ARNT2: variants seen among roughly 807,000 people sequenced by gnomAD.
The protein encoded by ARNT2 is ARNT protein 2.
In ARNT2, 36 loss-of-function variants were observed where a neutral mutation model predicts 91.7. The ratio of observed to expected loss-of-function variants is 0.39; its 90% CI spans 0.30 to 0.52. The LOEUF is 0.52. Ranked by LOEUF, ARNT2 falls within the 20% of genes least tolerant of loss-of-function variation. The probability of loss-of-function intolerance (pLI) is 0.72; values close to 1 mark genes in which losing one functional copy is unlikely to be tolerated. For synonymous variants in ARNT2, 365 were observed against 347.1 expected, an observed-to-expected ratio of 1.05 and a Z score of -0.57; for missense variants, 775 against 939.3, an observed-to-expected ratio of 0.83 and a Z score of 2.29.
intron 1 of ARNT2, among the ~76,000 whole-genome samples, chr15:80,441,762 G>A (rs548072394): frequency 8.5e-5 from 13 of 152,200 alleles, no homozygotes; most frequent in Admixed American, 1.3e-4. Context: ...TACACAGTAC[G>A]TCTGCATCTG....
At chr15:80,539,841 A>G (rs1435441818) in intron 8 of ARNT2, among the ~76,000 whole-genome samples, 1 of 151,506 alleles carries the variant, frequency 6.6e-6, no homozygotes. Context: ...GTATTATCTC[A>G]CCCCATCTAG....
At chr15:80,556,609 C>A (rs1898194677) in intron 11 of ARNT2, 1 of 152,480 alleles carries the variant, frequency 6.6e-6, no homozygotes, top group African/African-American at 2.4e-5. Context: ...AAGAGGGTGG[C>A]CACCTGAGTA....
chr15:80,513,935 C>G lies in ARNT2; in HGVS notation c.750C>G (p.His250Gln). 8.1e-6 allele frequency: 13 copies of G among 1,613,820 alleles called. No individual in the cohort carries two copies. Among genetic ancestry groups the G allele is most frequent in the Non-Finnish European group, 1.0e-5 (12 of 1,179,724 alleles). Residue 250 changes from histidine to glutamine, a missense_variant, in exon 7 of 19, where the codon CAC becomes CAG. By Grantham distance (24) the His-to-Gln change is conservative. Transcript: ENST00000303329. ...GGTGTGGAAATGCTCCTTTGGACCA[C>G]CTTCCTCTAAACAGAATAACCACCA... ...RMRCGNAPLD[H>Q]LPLNRITTMR...
intron 8 of ARNT2, among the ~76,000 whole-genome samples, chr15:80,538,450 A>G (rs547745113): frequency 1.8e-4 from 28 of 152,172 alleles, no homozygotes; most frequent in Non-Finnish European, 2.9e-4. Context: ...AAAAAGTTAC[A>G]TTTTTAAAAA....
intron 5 of ARNT2, among the ~76,000 whole-genome samples, chr15:80,483,093 A>G (rs1896913705): frequency 1.3e-5 from 2 of 152,184 alleles, no homozygotes; most frequent in Admixed American, 6.5e-5. Flanking sequence ...TGGAAGGTAA[A>G]CCCTGGTAAA....
chr15:80,512,537 G>T (rs1197844533), intron 6 of ARNT2, among the ~76,000 whole-genome samples: 1 of 152,232 alleles, frequency 6.6e-6, no homozygotes, highest in African/African-American at 2.4e-5. Context: ...GGATCCACTT[G>T]CATTGCTGTG....
chr15:80,412,831 T>A (rs1895706430), intron 1 of ARNT2, among the ~76,000 whole-genome samples: 1 of 152,246 alleles, frequency 6.6e-6, no homozygotes, highest in African/African-American at 2.4e-5. Context: ...TATACTTTTA[T>A]ACTGCTGTCC....
At chr15:80,548,609 C>A in intron 8 of ARNT2, among the ~76,000 whole-genome samples, 1 of 151,868 alleles carries the variant, frequency 6.6e-6, no homozygotes, top group Admixed American at 6.6e-5. Flanking sequence ...TATACATAAA[C>A]AATAAACAGA....
chr15:80,554,280 G>A (rs868050563), intron 10 of ARNT2, among the ~76,000 whole-genome samples: 1 of 152,108 alleles, frequency 6.6e-6, no homozygotes, highest in African/African-American at 2.4e-5. Flanking sequence ...ATGGTGGCGG[G>A]TGCTTGTAAT....
intron 11 of ARNT2, among the ~76,000 whole-genome samples, chr15:80,557,730 C>T (rs1898219801): frequency 6.6e-6 from 1 of 152,128 alleles, no homozygotes; most frequent in Non-Finnish European, 1.5e-5. Context: ...TTCCCTCAAT[C>T]CCACTCCACA....
At position 80,519,998 on chromosome 15, in the gene ARNT2, G is replaced by A. The variant is rs551232181; in HGVS notation, c.877+5593G>A. On this transcript the variant is annotated intron_variant, in intron 8 of 18. Transcript: ENST00000303329. ...CAGGTGTGAGCCACCGTGCCTGGCCGCTTTTTTTTTTTTTTTTAAATCTTT... is the reference window on the plus strand; with the variant it reads ...CAGGTGTGAGCCACCGTGCCTGGCCACTTTTTTTTTTTTTTTTAAATCTTT... Among the ~76,000 whole-genome samples the A allele has an allele frequency of 2.3e-4, 34 of 144,866 alleles. 1 individual carries two copies. Among genetic ancestry groups the A allele is most frequent in the South Asian group, 4.3e-4 (2 of 4,658 alleles).
intron 17 of ARNT2, among the ~76,000 whole-genome samples, chr15:80,587,212 G>A (rs1224269512): frequency 1.3e-5 from 2 of 152,130 alleles, no homozygotes; most frequent in Non-Finnish European, 2.9e-5. Context: ...GGTGCACCTT[G>A]TTACTTTATC....
chr15:80,491,988 C>A (rs532984549), intron 5 of ARNT2, among the ~76,000 whole-genome samples: 1 of 152,130 alleles, frequency 6.6e-6, no homozygotes, highest in East Asian at 1.9e-4. Flanking sequence ...AGGTGTACGT[C>A]TATTTCTGGA....
At chr15:80,456,447 C>G (rs11072917) in intron 2 of ARNT2, among the ~76,000 whole-genome samples, 41 of 151,992 alleles carry the variant, frequency 2.7e-4, no homozygotes, top group Non-Finnish European at 4.6e-4. Flanking sequence ...CAGGGGATCC[C>G]GTCAGGTCAT....
intron 1 of ARNT2, among the ~76,000 whole-genome samples, chr15:80,421,169 C>A (rs1233739001): frequency 6.6e-6 from 1 of 152,088 alleles, no homozygotes; most frequent in African/African-American, 2.4e-5. Context: ...AACCAAATAC[C>A]TTATGTTCTC....
chr15:80,439,180 T>A (rs1380930957), intron 1 of ARNT2, among the ~76,000 whole-genome samples: 1 of 152,166 alleles, frequency 6.6e-6, no homozygotes, highest in Non-Finnish European at 1.5e-5. Flanking sequence ...CTTTTTAATC[T>A]GAGTACATCT....
intron 1 of ARNT2, among the ~76,000 whole-genome samples, chr15:80,446,702 G>A (rs949566489): frequency 6.6e-6 from 1 of 152,238 alleles, no homozygotes; most frequent in African/African-American, 2.4e-5. Context: ...TTTATAGGGT[G>A]GATGTAAAGC....
At chr15:80,536,500 G>T (rs1179474352) in intron 8 of ARNT2, among the ~76,000 whole-genome samples, 1 of 152,164 alleles carries the variant, frequency 6.6e-6, no homozygotes, top group Non-Finnish European at 1.5e-5. Flanking sequence ...TAGCCCCCAG[G>T]TACCCTTTTC....
intron 12 of ARNT2, among the ~76,000 whole-genome samples, chr15:80,569,208 C>T (rs1221957812): frequency 6.6e-6 from 1 of 152,164 alleles, no homozygotes. Flanking sequence ...AACCCCTGTC[C>T]AGGGAGCATC....
Sources: allele counts gnomAD v4.1 joint callset (sites outside exome capture counted in the v4.1 genomes callset), GRCh38; gene constraint gnomAD v4.1.1; transcripts MANE v1.5; gene names NCBI Gene and HGNC (gene_info 2026-07-23, HGNC 2026-07-21).